Variants in FGF2 observed in about 807,000 individuals in gnomAD.
The protein encoded by FGF2 is basic fibroblast growth factor bFGF.
FGF2 carries 13 observed loss-of-function variants against 15.9 expected under a neutral mutation model. The observed-to-expected ratio is 0.82, with a 90% CI of 0.53 to 1.30. The LOEUF (loss-of-function observed/expected upper bound fraction) is 1.30. Ranked by LOEUF, FGF2 falls within the 50% of genes most tolerant of loss-of-function variation. The probability of loss-of-function intolerance (pLI) is 0.00; values close to 1 mark genes in which losing one functional copy is unlikely to be tolerated. For synonymous variants in FGF2, 90 were observed against 78.4 expected (o/e 1.15, Z -0.78); for missense variants, 163 against 196.9 (o/e 0.83, Z 1.03).
At chr4:122,846,778 T>C (rs1477036996) in intron 1 of FGF2, among the ~76,000 whole-genome samples, 1 of 152,202 alleles carries the variant, frequency 6.6e-6, no homozygotes, top group Non-Finnish European at 1.5e-5. Context: ...GAAGAATGAA[T>C]GGGAAGTGAG....
chr4:122,826,761 TG>T (rs1381055303), upstream of FGF2: 6 of 1,294,656 alleles, frequency 4.6e-6, no homozygotes, highest in South Asian at 4.3e-5. Context: ...GGAGGAGAAC[TG>T]GGGGCGCGGG....
intron 1 of FGF2, among the ~76,000 whole-genome samples, chr4:122,863,624 T>G (rs768730821): frequency 5.9e-5 from 9 of 152,246 alleles, no homozygotes; most frequent in African/African-American, 9.6e-5. Context: ...GCCTTTTCAT[T>G]TAATAATGGA....
rs972098938 is a variant in FGF2 at position 122,894,929 on chromosome 4, G to A, written c.*2533G>A. On this transcript the variant is annotated 3_prime_UTR_variant, in exon 3 of 3. Transcript: ENST00000644866. ...GTACCACTAATCAAAAGTTCGGCAT[G>A]TAGCTCATGATCTATGCTGTTTCTA... The A allele has an allele frequency of 6.6e-6, 1 of 152,172 alleles. No individual in the cohort carries two copies. The highest frequency in any genetic ancestry group is 1.5e-5 in the Non-Finnish European group (1 of 68,044). 9.4% of individuals were successfully genotyped at this position (152,172 alleles called of 1,614,324 possible).
At chr4:122,859,863 G>T (rs1328353854) in intron 1 of FGF2, among the ~76,000 whole-genome samples, 1 of 152,092 alleles carries the variant, frequency 6.6e-6, no homozygotes, top group South Asian at 2.1e-4. Context: ...GGAGTTGTTC[G>T]CATTTACTGT....
rs190166357 is a variant in FGF2, at chr4:122,886,039, C to T, written c.283-6172C>T. ...GCTCAAGCGATCCTCCTACCTTGGC[C>T]TCCCAAGTAGGTGGGACTACAGATG... On this transcript the variant is annotated intron_variant, in intron 2 of 2. Coordinates refer to ENST00000644866, the MANE Select transcript of FGF2 (RefSeq NM_001361665.2). Among the ~76,000 whole-genome samples, 331 of 151,162 alleles carry T rather than the reference C, an allele frequency of 2.2e-3. 1 individual carries two copies. Among genetic ancestry groups the T allele is most frequent in the African/African-American group, 7.9e-3 (325 of 41,068 alleles).
chr4:122,893,089 C>T lies in FGF2; in HGVS notation c.*693C>T, dbSNP rs1186498251. 2.5e-6 allele frequency: 4 copies of T among 1,614,132 alleles called. No individual in the cohort carries two copies. Among genetic ancestry groups the T allele is most frequent in the East Asian group, 2.2e-5 (1 of 44,884 alleles). On this transcript the variant is annotated 3_prime_UTR_variant, in exon 3 of 3. Transcript: ENST00000644866. ...AAAAATTTATGGTGAATGAATATGG[C>T]TTTAGGCGGCAGATGATATACATAT...
intron 1 of FGF2, among the ~76,000 whole-genome samples, chr4:122,830,024 C>G (rs1301977675): frequency 2.0e-5 from 3 of 152,302 alleles, no homozygotes; most frequent in Admixed American, 6.5e-5. Context: ...GTTGAAAAAT[C>G]TATGGTCTCA....
At chr4:122,829,921 CAAAT>C (rs1365974382) in intron 1 of FGF2, among the ~76,000 whole-genome samples, 1 of 152,150 alleles carries the variant, frequency 6.6e-6, no homozygotes, top group Non-Finnish European at 1.5e-5. Context: ...CCCCCCAAAA[CAAAT>C]AAAACTGACC....
intron 1 of FGF2, among the ~76,000 whole-genome samples, chr4:122,866,822 AC>A (rs1726604757): frequency 6.6e-6 from 1 of 152,128 alleles, no homozygotes; most frequent in Non-Finnish European, 1.5e-5. Flanking sequence ...CAGTAATTTG[AC>A]TCCTAGGTAT....
intron 1 of FGF2, among the ~76,000 whole-genome samples, chr4:122,868,661 G>A (rs994575309): frequency 6.6e-6 from 1 of 152,176 alleles, no homozygotes; most frequent in Non-Finnish European, 1.5e-5. Context: ...GGGTCAAATG[G>A]TATTTCTGGT....
chr4:122,827,579 C>T lies in FGF2; in HGVS notation c.178+227C>T, dbSNP rs3804144. Among the ~76,000 whole-genome samples, 5,665 of 152,090 alleles carry T rather than the reference C, an allele frequency of 0.037. 230 individuals carry two copies. Among genetic ancestry groups the T allele is most frequent in the East Asian group, 0.15 (769 of 5,110 alleles). ...CTGGGCTTTGGGGTGTGCCAATTTG[C>T]CCTGTAAACCAGTACCCCCGGCCCG... is the stretch of plus-strand genomic sequence containing the variant. On this transcript the variant is annotated intron_variant, in intron 1 of 2. Coordinates refer to ENST00000644866, the MANE Select transcript of FGF2 (RefSeq NM_001361665.2). The surrounding 1 kb of genome is among the most constrained non-coding windows in gnomAD (Gnocchi z 4.2).
chr4:122,894,890 CT>C lies in FGF2; in HGVS notation c.*2495del, dbSNP rs1727303671. On this transcript the variant is annotated 3_prime_UTR_variant, in exon 3 of 3. Transcript: ENST00000644866. ...TGTTTGAAAATAAATTATGGGGATC[CT>C]ATTTAGCTCTTAGTACCACTAATCA... 6.6e-6 allele frequency: 1 copy of C among 152,028 alleles called. No homozygotes were observed. The highest frequency in any genetic ancestry group is 2.4e-5 in the African/African-American group (1 of 41,378). 9.4% of individuals were successfully genotyped at this position (152,028 alleles called of 1,614,324 possible).
In FGF2 at chr4:122,871,528, C is replaced by T. The variant is rs113066501; in HGVS notation, c.179-4793C>T. 1.7e-3 allele frequency among the ~76,000 whole-genome samples: 266 copies of T among 152,048 alleles called. 2 individuals are homozygous for T. Among genetic ancestry groups the T allele is most frequent in the African/African-American group, 6.1e-3 (253 of 41,476 alleles). ...GCTTCATCAAACTGGTCCTATTACC[C>T]GTGCCACCCAATTGGGTGAGACCCT... On this transcript the variant is annotated intron_variant, in intron 1 of 2. Coordinates refer to ENST00000644866, the MANE Select transcript of FGF2 (RefSeq NM_001361665.2).
chr4:122,891,523 T>C (rs1459616158), intron 2 of FGF2, among the ~76,000 whole-genome samples: 1 of 152,052 alleles, frequency 6.6e-6, no homozygotes. Flanking sequence ...TACTTACTTA[T>C]TCCTCATTGT....
chr4:122,872,098 AAC>A (rs1401520372), intron 1 of FGF2, among the ~76,000 whole-genome samples: 1 of 152,144 alleles, frequency 6.6e-6, no homozygotes, highest in Non-Finnish European at 1.5e-5. Context: ...GCATGTTCTA[AAC>A]CAATGCAAAG....
Position 122,826,903 on chromosome 4 carries a change from C to A in FGF2, c.-272C>A. The A allele has an allele frequency of 6.6e-7, 1 of 1,506,900 alleles. No individual in the cohort carries two copies. The highest frequency in any genetic ancestry group is 1.2e-5 in the South Asian group (1 of 80,532). The allele number at this position is 1,506,900 out of a possible 1,614,324, so 93.3% of individuals were successfully genotyped here. A position where few individuals can be genotyped will look rare whatever the true frequency, so the allele number is the denominator to read the frequency against. ...GCTGCAGCTTGGGAGGCGGCTCTCC[C>A]CAGGCGGCGTCCGCGGAGACACCCA... On this transcript the variant is annotated 5_prime_UTR_variant, in exon 1 of 3. Coordinates refer to ENST00000644866, the MANE Select transcript of FGF2 (RefSeq NM_001361665.2).
chr4:122,891,053 T>TTTTTTTTA (rs1560760242), intron 2 of FGF2, among the ~76,000 whole-genome samples: 2 of 143,400 alleles, frequency 1.4e-5, no homozygotes, highest in Non-Finnish European at 3.0e-5. Flanking sequence ...TTTGTTTTGT[T>TTTTTTTTA]TTTTTGAGAC....
intron 2 of FGF2, among the ~76,000 whole-genome samples, chr4:122,891,697 C>G (rs1727193379): frequency 6.6e-6 from 1 of 150,904 alleles, no homozygotes; most frequent in Non-Finnish European, 1.5e-5. Flanking sequence ...GGAATTAACT[C>G]TTCTTGTGAG....
chr4:122,863,412 G>A (rs1281587962), intron 1 of FGF2, among the ~76,000 whole-genome samples: 1 of 151,996 alleles, frequency 6.6e-6, no homozygotes, highest in Non-Finnish European at 1.5e-5. Flanking sequence ...TCTCAGCCTG[G>A]GTTTTCTTGA....
Sources: gnomAD v4.1 joint callset for allele counts (sites outside exome capture counted in the v4.1 genomes callset) on GRCh38, gnomAD v4.1.1 for gene constraint, Gnocchi (gnomAD v3.1) non-coding constraint, MANE v1.5 for transcripts, NCBI Gene and HGNC (gene_info 2026-07-23, HGNC 2026-07-21) for gene names.